Variants in SLC4A3 observed in about 807,000 individuals in gnomAD.
SLC4A3 encodes anion exchange protein 3.
In SLC4A3, 47 loss-of-function variants were observed where a neutral mutation model predicts 114.2. The ratio of observed to expected loss-of-function variants is 0.41; its 90% CI spans 0.33 to 0.52. The LOEUF is 0.52. Ranked by LOEUF, SLC4A3 falls within the 20% of genes least tolerant of loss-of-function variation. SLC4A3 has a pLI of 0.21. For synonymous variants in SLC4A3, 693 were observed against 710.3 expected (o/e 0.98, Z 0.39); for missense variants, 1,312 against 1,668.3 (o/e 0.79, Z 3.72).
intron 11 of SLC4A3, 106 bp downstream of exon 11, chr2:219,634,085 T>A: frequency 1.5e-6 from 2 of 1,322,116 alleles, no homozygotes. Flanking sequence ...TCCATCTCCC[T>A]CCAGGCTCCC....
chr2:219,638,235 C>A lies in SLC4A3; in HGVS notation c.2838C>A (p.Ile946=). The A allele has an allele frequency of 6.2e-7, 1 of 1,612,114 alleles. No individual in the cohort carries two copies. The highest frequency in any genetic ancestry group is 8.5e-7 in the Non-Finnish European group (1 of 1,178,936). Residue 946 remains isoleucine, a synonymous_variant, in exon 18 of 23, where the codon ATC becomes ATA. Transcript: ENST00000358055. The surrounding 1 kb of genome is among the most constrained non-coding windows in gnomAD (Gnocchi z 7.5). ...ILVMVLVDYS[I]TDTYTQKLTV... ...TGATGGTCCTGGTGGATTACTCCAT[C>A]ACAGACACCTACACGCAGGTGAGGG...
At chr2:219,629,958 A>AG in intron 5 of SLC4A3, 195 bp from the exon 6 acceptor site, 1 of 1,007,206 alleles carries the variant, frequency 9.9e-7, no homozygotes, top group Non-Finnish European at 1.4e-6. Context: ...CAGAGTAGAG[A>AG]GGGTGAGGAG....
chr2:219,635,586 G>C, intron 13 of SLC4A3, 87 bp from the exon 14 acceptor site: 7 of 1,478,696 alleles, frequency 4.7e-6, no homozygotes, highest in Non-Finnish European at 6.5e-6. Flanking sequence ...CTGACTCCTG[G>C]AGTCCTTTGC....
In SLC4A3 at chr2:219,635,362, C is replaced by A. The variant is rs577704484; in HGVS notation, c.1838C>A (p.Pro613Gln). The A allele has an allele frequency of 2.5e-6, 4 of 1,614,158 alleles. No individual in the cohort carries two copies. Among genetic ancestry groups the A allele is most frequent in the South Asian group, 2.2e-5 (2 of 91,082 alleles). Residue 613 changes from proline (P) to glutamine (Q), a missense_variant, in exon 13 of 23, where the codon CCG (proline) becomes CAG (glutamine). Pro to Gln is a moderately conservative substitution (Grantham distance 76). Transcript: ENST00000358055. ...EFLDGSIVIPPSEVEGRDLLR... is the reference protein window; with the variant it reads ...EFLDGSIVIPQSEVEGRDLLR... Reference sequence around the variant, plus strand: ...CTGGATGGCAGCATTGTGATCCCCCCGTCCGAGGTGGAGGGCCGTGACCTG... The same window carrying A: ...CTGGATGGCAGCATTGTGATCCCCCAGTCCGAGGTGGAGGGCCGTGACCTG...
At position 219,635,343 on chromosome 2, in the gene SLC4A3, G is replaced by A; in HGVS notation, c.1819G>A (p.Gly607Ser). Residue 607 changes from glycine (G) to serine (S), a missense_variant, in exon 13 of 23, where the codon GGC becomes AGC. Transcript: ENST00000358055. The part of the protein sequence containing the change: ...LLSAISEFLD[G>S]SIVIPPSEVE... ...AAGTGCCATCAGCGAGTTCCTGGATGGCAGCATTGTGATCCCCCCGTCCGA... is the reference window on the plus strand; with the variant it reads ...AAGTGCCATCAGCGAGTTCCTGGATAGCAGCATTGTGATCCCCCCGTCCGA... The A allele has an allele frequency of 6.2e-7, 1 of 1,614,162 alleles. No homozygotes were observed. The highest frequency in any genetic ancestry group is 8.5e-7 in the Non-Finnish European group (1 of 1,180,014).
In SLC4A3 at chr2:219,641,090, C is replaced by A. The variant is rs913602287; in HGVS notation, c.3621+128C>A. ...TAACTTGTGTTGCAAGTTATCTCAC[C>A]TTCCGAAATCTTATTTTCACCTGTA... On this transcript the variant is annotated intron_variant, in intron 22 of 22. Transcript: ENST00000358055. The surrounding 1 kb of genome is among the most constrained non-coding windows in gnomAD (Gnocchi z 4.0). 22 of 844,496 alleles carry A rather than the reference C, an allele frequency of 2.6e-5. No individual in the cohort carries two copies. The highest frequency in any genetic ancestry group is 3.3e-5 in the Non-Finnish European group (18 of 546,342). The allele number at this position is 844,496 out of a possible 1,614,324, so 52.3% of individuals were successfully genotyped here.
At position 219,637,007 on chromosome 2, in the gene SLC4A3, A is replaced by G; in HGVS notation, c.2535+133A>G. 1.2e-6 allele frequency: 1 copy of G among 830,816 alleles called. No individual in the cohort carries two copies. Among genetic ancestry groups the G allele is most frequent in the Admixed American group, 2.5e-5 (1 of 40,248 alleles). The allele number at this position is 830,816 out of a possible 1,614,324, so 51.5% of individuals were successfully genotyped here. On this transcript the variant is annotated intron_variant, in intron 16 of 22. Coordinates refer to ENST00000358055, the MANE Select transcript of SLC4A3 (RefSeq NM_005070.4). This position sits in a 1 kb window ranked among gnomAD's most constrained non-coding sequence, Gnocchi z 4.6. ...GACTGTGTTGGGAGTGAGGGGTTCT[A>G]GGGACACCCTAGGCTAGGTCTGAGC... is the stretch of plus-strand genomic sequence containing the variant.
Position 219,640,968 on chromosome 2 carries a change from G to C in SLC4A3, c.3621+6G>C, listed in dbSNP as rs763120197. The C allele has an allele frequency of 3.7e-6, 6 of 1,603,380 alleles. 1 individual carries two copies. In the South Asian group the frequency reaches 4.4e-5, roughly 12 times the overall value. ...AGGACAGGGAGCTGCAGGCGGTAAG[G>C]GGGTGGTGGTCTGGGGAAACAGTGT... On this transcript the variant is annotated splice_donor_region_variant and intron_variant, in intron 22 of 22. Coordinates refer to ENST00000358055, the MANE Select transcript of SLC4A3 (RefSeq NM_005070.4).
chr2:219,640,995 A>G, intron 22 of SLC4A3, 33 bp downstream of exon 22: 1 of 1,588,998 alleles, frequency 6.3e-7, no homozygotes, highest in Non-Finnish European at 8.5e-7. Context: ...AAACAGTGTT[A>G]GGGCAAATGG....
rs758311571 is a variant in SLC4A3 at position 219,637,816 on chromosome 2, G to A, written c.2766+5G>A. 1.6e-5 allele frequency: 25 copies of A among 1,607,278 alleles called. No homozygotes were observed. Among genetic ancestry groups the A allele is most frequent in the East Asian group, 4.5e-5 (2 of 44,846 alleles). ...AGCCGCTTCCTGGGGGGCAAGGTGC[G>A]TGGCTGCTGGGTGTGGAGCCCCCAA... On this transcript the variant is annotated splice_donor_5th_base_variant and intron_variant, in intron 17 of 22. Coordinates refer to ENST00000358055, the MANE Select transcript of SLC4A3 (RefSeq NM_005070.4). The surrounding 1 kb of genome is among the most constrained non-coding windows in gnomAD (Gnocchi z 4.6).
intron 8 of SLC4A3, 88 bp downstream of exon 8, chr2:219,632,530 C>T: frequency 7.1e-7 from 1 of 1,408,702 alleles, no homozygotes; most frequent in Non-Finnish European, 9.5e-7. Context: ...CTCTAGAGTC[C>T]TGGGCACAGG....
rs1245355418 is a variant in SLC4A3 at position 219,629,422 on chromosome 2, G to T, written c.495+1G>T. On this transcript the variant is annotated splice_donor_variant, in intron 4 of 22. Coordinates refer to ENST00000358055, the MANE Select transcript of SLC4A3 (RefSeq NM_005070.4). LOFTEE classifies it high-confidence loss of function. ...CTCAGGGACCCCACAGAAGGCAAAGGTAGGGGCTTCCCTTTGGAGGGGTGG... is the reference window on the plus strand; with the variant it reads ...CTCAGGGACCCCACAGAAGGCAAAGTTAGGGGCTTCCCTTTGGAGGGGTGG... 1 of 1,592,016 alleles carries T rather than the reference G, an allele frequency of 6.3e-7. No individual in the cohort carries two copies. Among genetic ancestry groups the T allele is most frequent in the Non-Finnish European group, 8.6e-7 (1 of 1,168,206 alleles).
chr2:219,633,036 C>A (rs373979041), intron 9 of SLC4A3, 27 bp downstream of exon 9: 4 of 1,611,796 alleles, frequency 2.5e-6, no homozygotes, highest in East Asian at 2.2e-5. Context: ...CTGGGAGGGG[C>A]CTGTCCAGCT....
Position 219,640,919 on chromosome 2 carries a change from A to C in SLC4A3, c.3578A>C (p.His1193Pro), listed in dbSNP as rs1699306477. The C allele has an allele frequency of 6.2e-7, 1 of 1,609,644 alleles. No individual in the cohort carries two copies. Among genetic ancestry groups the C allele is most frequent in the Non-Finnish European group, 8.5e-7 (1 of 1,180,004 alleles). Residue 1193 changes from histidine to proline, a missense_variant, in exon 22 of 23, where the codon CAT becomes CCT. His to Pro is a moderately conservative substitution (Grantham distance 77). This residue lies in a region of SLC4A3 where 301 missense variants were observed against 460.7 expected (regional missense o/e 0.65). Transcript: ENST00000358055. ...FLLLLTVPLR[H>P]CLLPRLFQDR... Reference sequence around the variant, plus strand: ...CTGCTGCTCACGGTGCCTCTGAGGCATTGCCTTCTGCCCCGGCTCTTCCAG... The same window carrying C: ...CTGCTGCTCACGGTGCCTCTGAGGCCTTGCCTTCTGCCCCGGCTCTTCCAG...
At chr2:219,634,913 G>A (rs754517013) in intron 12 of SLC4A3, among the ~76,000 whole-genome samples, 32 of 152,304 alleles carry the variant, frequency 2.1e-4, no homozygotes, top group Non-Finnish European at 3.1e-4. Context: ...TTAGATAGGA[G>A]GGTCCTTTAG....
chr2:219,636,440 C>G lies in SLC4A3; in HGVS notation c.2330C>G (p.Ala777Gly), dbSNP rs780678809. ...FSGPLLVFEE[A>G]FFKFCRAQDL... is the part of the protein sequence containing the mutation. ...GGGCCGCTGCTTGTGTTTGAGGAAG[C>G]CTTCTTCAAGGTGAGGCGAAGCCTT... Residue 777 changes from alanine to glycine, a missense_variant, in exon 15 of 23, where the codon GCC becomes GGC. By Grantham distance (60) the Ala-to-Gly change is moderately conservative. This residue lies in a region of SLC4A3 where 771 missense variants were observed against 977.7 expected (regional missense o/e 0.79). Coordinates refer to ENST00000358055, the MANE Select transcript of SLC4A3 (RefSeq NM_005070.4). The surrounding 1 kb of genome is among the most constrained non-coding windows in gnomAD (Gnocchi z 5.5). The G allele has an allele frequency of 1.1e-5, 17 of 1,608,708 alleles. No individual in the cohort carries two copies. The highest frequency in any genetic ancestry group is 3.4e-5 in the Admixed American group (2 of 59,396).
chr2:219,628,020 G>C lies in SLC4A3; in HGVS notation c.28G>C (p.Gly10Arg), dbSNP rs200005603. 19 of 1,582,830 alleles carry C rather than the reference G, an allele frequency of 1.2e-5. No individual in the cohort carries two copies. Among genetic ancestry groups the C allele is most frequent in the Non-Finnish European group, 1.5e-5 (17 of 1,166,998 alleles). Residue 10 changes from glycine (G) to arginine (R), a missense_variant, in exon 2 of 23, where the codon GGG (glycine) becomes CGG (arginine). Coordinates refer to ENST00000358055, the MANE Select transcript of SLC4A3 (RefSeq NM_005070.4). The surrounding 1 kb of genome is among the most constrained non-coding windows in gnomAD (Gnocchi z 4.8). The part of the protein sequence containing the change: MANGVIPPP[G>R]GASPLPQVRV... ...GGCCAACGGAGTGATCCCGCCGCCCGGGGGCGCCTCCCCCCTACCCCAGGT... is the reference window on the plus strand; with the variant it reads ...GGCCAACGGAGTGATCCCGCCGCCCCGGGGCGCCTCCCCCCTACCCCAGGT...
At chr2:219,629,072 G>A in intron 3 of SLC4A3, 72 bp from the exon 4 acceptor site, 4 of 1,489,860 alleles carry the variant, frequency 2.7e-6, no homozygotes, top group Non-Finnish European at 3.6e-6. Flanking sequence ...GAGCTGGAAG[G>A]TGTGTGCCCT....
Position 219,632,064 on chromosome 2 carries a change from C to G in SLC4A3, c.908C>G (p.Pro303Arg). The change falls in exon 7 of 23, where the codon CCC becomes CGC. Residue 303 changes from proline to arginine, a missense_variant. By Grantham distance (103) the Pro-to-Arg change is moderately radical (BLOSUM62 -2). Transcript: ENST00000358055. ...GGRGSPSGLAPILRRKKKKKK... is the reference protein window; with the variant it reads ...GGRGSPSGLARILRRKKKKKK... ...AGGGGCAGTCCCAGCGGCCTGGCCCCCATCCTTCGCAGGAAGAAGAAGAAG... is the reference window on the plus strand; with the variant it reads ...AGGGGCAGTCCCAGCGGCCTGGCCCGCATCCTTCGCAGGAAGAAGAAGAAG... The G allele has an allele frequency of 6.2e-7, 1 of 1,613,848 alleles. No homozygotes were observed. The highest frequency in any genetic ancestry group is 8.5e-7 in the Non-Finnish European group (1 of 1,179,954).
Sources: gnomAD v4.1 joint callset for allele counts (sites outside exome capture counted in the v4.1 genomes callset) on GRCh38, gnomAD v4.1.1 for gene constraint, gnomAD v4.1.1 regional missense constraint, Gnocchi (gnomAD v3.1) non-coding constraint, MANE v1.5 for transcripts, NCBI Gene and HGNC (gene_info 2026-07-23, HGNC 2026-07-21) for gene names.